The following CTDP1 variants were observed in gnomAD, a reference collection of about 807,000 sequenced individuals.
CTDP1 encodes the protein CTD phosphatase 1.
In CTDP1, 47 loss-of-function variants were observed where a neutral mutation model predicts 91.8. That is an observed-to-expected ratio of 0.51 (90% confidence interval 0.41 to 0.65). The LOEUF is 0.65. Among genes scored for constraint, CTDP1 ranks in the 30% least tolerant of loss-of-function variants. CTDP1 has a pLI of 0.00. For missense variants in CTDP1, 1,272 were observed against 1,373.7 expected (o/e 0.93, Z 1.17); for synonymous variants, 656 against 598.5 (o/e 1.10, Z -1.40).
At chr18:79,695,488 C>A (rs2085728051) in intron 2 of CTDP1, among the ~76,000 whole-genome samples, 180 bp downstream of exon 2, 2 of 152,200 alleles carry the variant, frequency 1.3e-5, no homozygotes, top group Admixed American at 1.3e-4. Flanking sequence ...GGCAGTCCTT[C>A]CTGCTCTGTG....
At chr18:79,746,582 CTG>C (rs2086887396) in intron 12 of CTDP1, among the ~76,000 whole-genome samples, 1 of 152,260 alleles carries the variant, frequency 6.6e-6, no homozygotes, top group South Asian at 2.1e-4. Context: ...ACTGCTGTCA[CTG>C]TGAACAGGTC....
Position 79,753,895 on chromosome 18 carries a change from A to G in CTDP1, c.*105A>G. Reference sequence around the variant, plus strand: ...GTCCACGCTGCTTTCTTCCCAAAGGACATGTATATTTGCAGAGCTCCACAT... The same window carrying G: ...GTCCACGCTGCTTTCTTCCCAAAGGGCATGTATATTTGCAGAGCTCCACAT... On this transcript the variant is annotated 3_prime_UTR_variant, in exon 13 of 13. Coordinates refer to ENST00000613122, the MANE Select transcript of CTDP1 (RefSeq NM_004715.5). 5.5e-6 allele frequency: 8 copies of G among 1,453,698 alleles called. No individual in the cohort carries two copies. The highest frequency in any genetic ancestry group is 6.6e-6 in the Non-Finnish European group (7 of 1,063,778). The allele number at this position is 1,453,698 out of a possible 1,614,324, so 90.0% of individuals were successfully genotyped here.
rs1262505744 is a variant in CTDP1 at position 79,713,243 on chromosome 18, CTTTT to C, written c.1030+109_1030+112del. 4.3e-6 allele frequency: 5 copies of C among 1,175,238 alleles called. No homozygotes were observed. Among genetic ancestry groups the C allele is most frequent in the South Asian group, 1.4e-5 (1 of 73,544 alleles). The allele number at this position is 1,175,238 out of a possible 1,614,324, so 72.8% of individuals were successfully genotyped here. The stretch of plus-strand genomic sequence containing the variant: ...TTGACTGCTATAAATTCAAGATACA[CTTTT>C]TTTATTTGTGTTTCAGTAGAGATTA... On this transcript the variant is annotated intron_variant, in intron 7 of 12. Transcript: ENST00000613122. The surrounding 1 kb of genome is among the most constrained non-coding windows in gnomAD (Gnocchi z 4.7).
Position 79,754,020 on chromosome 18 carries a change from T to A in CTDP1, c.*230T>A. The A allele has an allele frequency of 1.6e-6, 1 of 616,218 alleles. No homozygotes were observed. Among genetic ancestry groups the A allele is most frequent in the Non-Finnish European group, 2.7e-6 (1 of 364,054 alleles). The allele number at this position is 616,218 out of a possible 1,614,324, so 38.2% of individuals were successfully genotyped here. ...ACAGGTGTTAAAGGCCCAGGTGTGCTGTGCCAAAGAGCTCAGCAGAGGCTC... is the reference window on the plus strand; with the variant it reads ...ACAGGTGTTAAAGGCCCAGGTGTGCAGTGCCAAAGAGCTCAGCAGAGGCTC... On this transcript the variant is annotated 3_prime_UTR_variant, in exon 13 of 13. Coordinates refer to ENST00000613122, the MANE Select transcript of CTDP1 (RefSeq NM_004715.5).
chr18:79,736,462 G>A lies in CTDP1; in HGVS notation c.2688G>A (p.Glu896=), dbSNP rs977036461. The A allele has an allele frequency of 7.7e-6, 12 of 1,548,932 alleles. No individual in the cohort carries two copies. Among genetic ancestry groups the A allele is most frequent in the Non-Finnish European group, 1.0e-5 (12 of 1,146,890 alleles). Reference sequence around the variant, plus strand: ...CCCGGAAGCCAGGGACCCGCAGGGAGCGGACGCTCGGGGCACCTGCGTCCA... The same window carrying A: ...CCCGGAAGCCAGGGACCCGCAGGGAACGGACGCTCGGGGCACCTGCGTCCA... ...PQPRKPGTRR[E]RTLGAPASSE... is the part of the protein sequence containing the mutation. The change falls in exon 12 of 13, where the codon GAG becomes GAA. Residue 896 remains glutamate, a synonymous_variant. Transcript: ENST00000613122.
chr18:79,707,807 C>T (rs985653043), intron 5 of CTDP1, among the ~76,000 whole-genome samples: 35 of 152,102 alleles, frequency 2.3e-4, no homozygotes, highest in African/African-American at 7.5e-4. Context: ...AAGTGAGGTC[C>T]GGACTGAAGC....
At chr18:79,739,708 A>G (rs2086736006) in intron 12 of CTDP1, among the ~76,000 whole-genome samples, 1 of 152,102 alleles carries the variant, frequency 6.6e-6, no homozygotes, top group Non-Finnish European at 1.5e-5. Flanking sequence ...TCAGAATTTG[A>G]GATCAGGAGA....
chr18:79,693,601 GTTGCA>G (rs2085668297), intron 1 of CTDP1, among the ~76,000 whole-genome samples: 1 of 152,164 alleles, frequency 6.6e-6, no homozygotes, highest in Admixed American at 6.5e-5. Flanking sequence ...ATCCATTTGT[GTTGCA>G]CATGCACTGT....
At chr18:79,706,436 C>T (rs2085968181) in intron 5 of CTDP1, among the ~76,000 whole-genome samples, 1 of 152,206 alleles carries the variant, frequency 6.6e-6, no homozygotes, top group African/African-American at 2.4e-5. Context: ...ACAGTGACGC[C>T]CACTCAAACC....
chr18:79,744,374 A>G (rs2086838260), intron 12 of CTDP1, among the ~76,000 whole-genome samples: 1 of 152,252 alleles, frequency 6.6e-6, no homozygotes, highest in African/African-American at 2.4e-5. Flanking sequence ...AAAGGAACCA[A>G]AATGTTACAT....
At chr18:79,751,492 T>C (rs1292757588) in intron 12 of CTDP1, among the ~76,000 whole-genome samples, 1 of 152,206 alleles carries the variant, frequency 6.6e-6, no homozygotes, top group African/African-American at 2.4e-5. Context: ...CTGAACGAGC[T>C]TGTCGTGACT....
At position 79,704,844 on chromosome 18, in the gene CTDP1, G is replaced by A. The variant is rs1369678543; in HGVS notation, c.699G>A (p.Leu233=). Residue 233 remains leucine, a synonymous_variant, in exon 5 of 13, where the codon CTG becomes CTA. Coordinates refer to ENST00000613122, the MANE Select transcript of CTDP1 (RefSeq NM_004715.5). The part of the protein sequence containing the change: ...TRLRPHCKDF[L]EKIAKLYELH... The stretch of plus-strand genomic sequence containing the variant: ...TGCGTCCACACTGCAAGGACTTCCT[G>A]GAGAAGATCGCCAAGCTGTACGAGC... 8.1e-6 allele frequency: 13 copies of A among 1,614,050 alleles called. No individual in the cohort carries two copies. The East Asian group carries it at 2.9e-4, about 36-fold the overall frequency.
chr18:79,697,995 G>T lies in CTDP1; in HGVS notation c.621+7G>T. On this transcript the variant is annotated splice_region_variant and intron_variant, in intron 4 of 12. Coordinates refer to ENST00000613122, the MANE Select transcript of CTDP1 (RefSeq NM_004715.5). ...TCAGCAGATGTCGAATAAAGTGAGT[G>T]CAGTCAGCATCTACGGACAGTTTCC... The T allele has an allele frequency of 1.2e-6, 2 of 1,614,232 alleles. No individual in the cohort carries two copies. The highest frequency in any genetic ancestry group is 1.7e-6 in the Non-Finnish European group (2 of 1,180,042).
chr18:79,682,626 C>G (rs2085398658), intron 1 of CTDP1, among the ~76,000 whole-genome samples: 1 of 152,166 alleles, frequency 6.6e-6, no homozygotes, highest in South Asian at 2.1e-4. Context: ...GTTCCACGCC[C>G]AACACTGTTT....
chr18:79,732,453 CAGGAG>C (rs1279411202), intron 11 of CTDP1, among the ~76,000 whole-genome samples: 11 of 86,080 alleles, frequency 1.3e-4, no homozygotes, highest in African/African-American at 4.5e-4. Context: ...GAACTCACAT[CAGGAG>C]TGCTCCCAAA....
intron 10 of CTDP1, among the ~76,000 whole-genome samples, chr18:79,723,663 C>T (rs1348720280): frequency 6.6e-6 from 1 of 152,176 alleles, no homozygotes; most frequent in African/African-American, 2.4e-5. Flanking sequence ...TCCTGTTTCC[C>T]CTGTGGTTGC....
intron 12 of CTDP1, among the ~76,000 whole-genome samples, chr18:79,747,817 G>A (rs868837209): frequency 6.6e-5 from 10 of 152,102 alleles, no homozygotes; most frequent in East Asian, 1.9e-4. Flanking sequence ...CAGTGGCCAC[G>A]GGAACCCTGT....
At chr18:79,677,585 T>A (rs1250595829), upstream of CTDP1, 1 of 152,300 alleles carries the variant, frequency 6.6e-6, no homozygotes, top group Non-Finnish European at 1.5e-5. Flanking sequence ...ACCTATAGGC[T>A]AAACTTACAG....
At chr18:79,684,044 C>T (rs2085432258) in intron 1 of CTDP1, among the ~76,000 whole-genome samples, 1 of 152,246 alleles carries the variant, frequency 6.6e-6, no homozygotes, top group African/African-American at 2.4e-5. Flanking sequence ...TGAACTGGAG[C>T]TTGCAGAGAG....
Sources: allele counts gnomAD v4.1 joint callset (sites outside exome capture counted in the v4.1 genomes callset), GRCh38; gene constraint gnomAD v4.1.1; non-coding constraint Gnocchi (gnomAD v3.1); transcripts MANE v1.5; gene names NCBI Gene and HGNC (gene_info 2026-07-23, HGNC 2026-07-21).